Variants in CBLL1 observed in about 807,000 individuals in gnomAD.
CBLL1 encodes E3 ubiquitin-protein ligase Hakai.
CBLL1 carries 4 observed loss-of-function variants against 44.9 expected under a neutral mutation model. The ratio of observed to expected loss-of-function variants is 0.09; its 90% CI spans 0.04 to 0.20. The LOEUF is 0.20. Among genes scored for constraint, CBLL1 ranks in the 10% least tolerant of loss-of-function variants. CBLL1 has a pLI of 1.00. For synonymous variants in CBLL1, 235 were observed against 202.2 expected, an observed-to-expected ratio of 1.16 and a Z score of -1.38; for missense variants, 569 against 636.7, an observed-to-expected ratio of 0.89 and a Z score of 1.14.
Position 107,747,815 on chromosome 7 carries a change from ACTTC to A in CBLL1, c.14-1063_14-1060del, listed in dbSNP as rs554205295. Among the ~76,000 whole-genome samples, 57 of 152,332 alleles carry A rather than the reference ACTTC, an allele frequency of 3.7e-4. 1 individual carries two copies. The highest frequency in any genetic ancestry group is 1.2e-3 in the African/African-American group (51 of 41,572). On this transcript the variant is annotated intron_variant, in intron 1 of 5. Coordinates refer to ENST00000440859, the MANE Select transcript of CBLL1 (RefSeq NM_024814.4). Reference sequence around the variant, plus strand: ...TGGAGGCCATTGGTACTAGCTTACTACTTCCAAATTTGGCTTTGCTGAATTTAAT... The same window carrying A: ...TGGAGGCCATTGGTACTAGCTTACTACAAATTTGGCTTTGCTGAATTTAAT...
chr7:107,748,574 T>G (rs1436165295), intron 1 of CBLL1, among the ~76,000 whole-genome samples: 3 of 152,224 alleles, frequency 2.0e-5, no homozygotes, highest in Non-Finnish European at 4.4e-5. Flanking sequence ...GGTTCATTAA[T>G]GGTTTCATGT....
rs185920954 is a variant in CBLL1, at chr7:107,753,012, T to C, written c.182-399T>C. Among the ~76,000 whole-genome samples the C allele has an allele frequency of 9.6e-4, 146 of 152,338 alleles. 1 individual carries two copies. Among genetic ancestry groups the C allele is most frequent in the African/African-American group, 3.1e-3 (128 of 41,586 alleles). On this transcript the variant is annotated intron_variant, in intron 2 of 5. Coordinates refer to ENST00000440859, the MANE Select transcript of CBLL1 (RefSeq NM_024814.4). ...TAGCATACCATTTTTGTAGCTAGAC[T>C]AGAATAAATGGTGATCAATATCTTA... is the stretch of plus-strand genomic sequence containing the variant.
At chr7:107,745,626 G>A (rs765832758) in intron 1 of CBLL1, among the ~76,000 whole-genome samples, 1 of 152,184 alleles carries the variant, frequency 6.6e-6, no homozygotes, top group Non-Finnish European at 1.5e-5. Context: ...TGTAAGAGAG[G>A]GAGGTAAGAA....
Position 107,750,525 on chromosome 7 carries a change from C to T in CBLL1, c.181+1478C>T, listed in dbSNP as rs368935648. On this transcript the variant is annotated intron_variant, in intron 2 of 5. Coordinates refer to ENST00000440859, the MANE Select transcript of CBLL1 (RefSeq NM_024814.4). ...TTCACTGTGTTAGCCAGGATGGTCT[C>T]GATCTCCTGACCTCATGATCCGCCC... Among the ~76,000 whole-genome samples the T allele has an allele frequency of 1.5e-4, 23 of 151,900 alleles. 1 individual carries two copies. The East Asian group carries it at 2.9e-3, about 19-fold the overall frequency.
rs1165052806 is a variant in CBLL1, at chr7:107,759,175, A to G, written c.1473A>G (p.Gln491=). Residue 491 remains glutamine, a synonymous_variant, in exon 6 of 6, where the codon CAA becomes CAG. Transcript: ENST00000440859. ...PDQTRYRPYY[Q] The stretch of plus-strand genomic sequence containing the variant: ...AGACAAGATATAGACCGTATTACCA[A>G]TGATAATAGTATTTTGAATGGAAGA... The G allele has an allele frequency of 1.9e-6, 3 of 1,589,800 alleles. No individual in the cohort carries two copies. The highest frequency in any genetic ancestry group is 2.7e-5 in the African/African-American group (2 of 73,962).
rs573873150 is a variant in CBLL1, at chr7:107,761,272, C to T, written c.*2094C>T. 9 of 152,102 alleles carry T rather than the reference C, an allele frequency of 5.9e-5. No homozygotes were observed. The highest frequency in any genetic ancestry group is 4.2e-4 in the South Asian group (2 of 4,810). The allele number at this position is 152,102 out of a possible 1,614,324, so 9.4% of individuals were successfully genotyped here. A position where few individuals can be genotyped will look rare whatever the true frequency, so the allele number is the denominator to read the frequency against. ...GAAACCACTTAGCCTATGTATTGGA[C>T]GAGAAAATCAGTATCATGATAAAAT... On this transcript the variant is annotated 3_prime_UTR_variant, in exon 6 of 6. Transcript: ENST00000440859.
chr7:107,753,587 A>G (rs1030222074), intron 3 of CBLL1, 76 bp downstream of exon 3: 3 of 731,096 alleles, frequency 4.1e-6, no homozygotes, highest in Non-Finnish European at 6.5e-6. Context: ...GTTTTATTGG[A>G]GTAATGCACA....
chr7:107,751,651 T>A (rs1012880302), intron 2 of CBLL1, among the ~76,000 whole-genome samples: 4 of 152,204 alleles, frequency 2.6e-5, no homozygotes, highest in South Asian at 2.1e-4. Flanking sequence ...TTTAAAAAAA[T>A]AGTTTTTTAA....
At chr7:107,753,847 T>A in intron 3 of CBLL1, 48 bp from the exon 4 acceptor site, 1 of 1,198,686 alleles carries the variant, frequency 8.3e-7, no homozygotes, top group Non-Finnish European at 1.2e-6. Context: ...GTAGATACAA[T>A]CTTTAGAATT....
Position 107,752,198 on chromosome 7 carries a change from C to CAA in CBLL1, c.182-1196_182-1195dup, listed in dbSNP as rs796995157. Among the ~76,000 whole-genome samples the CAA allele has an allele frequency of 2.7e-3, 154 of 56,184 alleles. 3 individuals are homozygous for CAA. The East Asian group carries it at 0.072, about 26-fold the overall frequency. The allele number at this position is 56,184 out of a possible 152,430, so 36.9% of individuals were successfully genotyped here. ...TGGGCGACAGAGTGAGACTCTGTCTCAAAAAAAAAAAAAAAAAAGAAAAAT... is the reference window on the plus strand; with the variant it reads ...TGGGCGACAGAGTGAGACTCTGTCTCAAAAAAAAAAAAAAAAAAAAGAAAAAT... On this transcript the variant is annotated intron_variant, in intron 2 of 5. Transcript: ENST00000440859.
At position 107,758,494 on chromosome 7, in the gene CBLL1, A is replaced by G. The variant is rs1466426041; in HGVS notation, c.792A>G (p.Pro264=). The change falls in exon 6 of 6, where the codon CCA becomes CCG. Residue 264 remains proline, a synonymous_variant. Transcript: ENST00000440859. This position sits in a 1 kb window ranked among gnomAD's most constrained non-coding sequence, Gnocchi z 4.2. ...NQPHEDIRAP[P]AELSMAPPPP... ...CACATGAGGATATTCGTGCTCCTCC[A>G]GCAGAATTGTCCATGGCTCCACCTC... 1.2e-6 allele frequency: 2 copies of G among 1,614,168 alleles called. No homozygotes were observed. The highest frequency in any genetic ancestry group is 1.7e-5 in the Admixed American group (1 of 60,010).
chr7:107,754,122 A>G (rs1452888143), intron 4 of CBLL1, 144 bp downstream of exon 4: 4 of 417,368 alleles, frequency 9.6e-6, no homozygotes, highest in African/African-American at 6.2e-5. Context: ...GTATTGGAAT[A>G]CTATGAATTT....
chr7:107,752,628 TCTACCTAGAATTC>T, intron 2 of CBLL1: 4 of 1,255,166 alleles, frequency 3.2e-6, no homozygotes, highest in Non-Finnish European at 4.2e-6. Flanking sequence ...GTAATTGGAT[TCTACCTAGAATTC>T]CCATCAGACT....
intron 1 of CBLL1, among the ~76,000 whole-genome samples, chr7:107,746,730 C>A (rs1472825270): frequency 6.6e-6 from 1 of 152,070 alleles, no homozygotes; most frequent in Non-Finnish European, 1.5e-5. Context: ...ATGATCATAC[C>A]GAAACATTCA....
chr7:107,759,141 A>G lies in CBLL1; in HGVS notation c.1439A>G (p.His480Arg), dbSNP rs1404250994. ...PSQTPLPGPH[H>R]PDQTRYRPYY... ...CAAACCCCACTTCCTGGACCACATC[A>G]TCCAGATCAGACAAGATATAGACCG... The change falls in exon 6 of 6, where the codon CAT (histidine) becomes CGT (arginine). Residue 480 changes from histidine (H) to arginine (R), a missense_variant. This residue lies in a region of CBLL1 where 228 missense variants were observed against 253.2 expected (regional missense o/e 0.90). Transcript: ENST00000440859. 1.2e-6 allele frequency: 2 copies of G among 1,613,546 alleles called. No individual in the cohort carries two copies. Among genetic ancestry groups the G allele is most frequent in the East Asian group, 2.2e-5 (1 of 44,876 alleles).
chr7:107,752,633 C>G, intron 2 of CBLL1: 2 of 1,221,166 alleles, frequency 1.6e-6, no homozygotes, highest in African/African-American at 1.6e-5. Context: ...TGGATTCTAC[C>G]TAGAATTCCC....
chr7:107,755,945 A>G (rs1793508612), intron 5 of CBLL1, among the ~76,000 whole-genome samples: 1 of 151,986 alleles, frequency 6.6e-6, no homozygotes, highest in African/African-American at 2.4e-5. Context: ...ATGAGGTTTT[A>G]TATATATATA....
chr7:107,744,210 C>T (rs1284092985), intron 1 of CBLL1, 34 bp downstream of exon 1: 1 of 1,539,368 alleles, frequency 6.5e-7, no homozygotes, highest in African/African-American at 1.4e-5. Context: ...GTCCCGGTTC[C>T]AAGCCCCCTT....
rs190318307 is a variant in CBLL1, at chr7:107,748,224, C to T, written c.14-656C>T. 4.6e-5 allele frequency among the ~76,000 whole-genome samples: 7 copies of T among 152,218 alleles called. No homozygotes were observed. The East Asian group carries it at 1.3e-3, about 29-fold the overall frequency. ...TGCATCCTCTTAAATTATAATTTTC[C>T]ATTACAGTGCTGACTAAGAACTCAG... On this transcript the variant is annotated intron_variant, in intron 1 of 5. Transcript: ENST00000440859.
Sources: allele counts gnomAD v4.1 joint callset (sites outside exome capture counted in the v4.1 genomes callset), GRCh38; gene constraint gnomAD v4.1.1; regional missense constraint gnomAD v4.1.1; non-coding constraint Gnocchi (gnomAD v3.1); transcripts MANE v1.5; gene names NCBI Gene and HGNC (gene_info 2026-07-23, HGNC 2026-07-21).